Variants in C3orf20 observed in about 807,000 individuals in gnomAD.
C3orf20 encodes the protein family with sequence similarity 149 member C, also known as uncharacterized protein C3orf20.
In C3orf20, 76 loss-of-function variants were observed where a neutral mutation model predicts 88.3. The observed-to-expected ratio is 0.86, with a 90% CI of 0.72 to 1.04. The LOEUF is 1.04. C3orf20 is among the 50% of genes least tolerant of loss of function. C3orf20 has a pLI of 0.00. For missense variants in C3orf20, 1,056 were observed against 1,123.3 expected, an observed-to-expected ratio of 0.94 and a Z score of 0.86; for synonymous variants, 436 against 437.4, an observed-to-expected ratio of 1.00 and a Z score of 0.04.
Position 14,761,508 on chromosome 3 carries a change from T to G in C3orf20, c.2388T>G (p.Arg796=). Residue 796 remains arginine (R), a synonymous_variant, in exon 15 of 17, where the codon CGT becomes CGG. Transcript: ENST00000253697. ...FAGGKLIFGG[R]VLNGYGLSKQ... is the part of the protein sequence containing the mutation. ...GGGGGAAGCTCATTTTTGGGGGCCGTGTTTTGAATGGATATGGCCTCAGCA... is the reference window on the plus strand; with the variant it reads ...GGGGGAAGCTCATTTTTGGGGGCCGGGTTTTGAATGGATATGGCCTCAGCA... 6.2e-7 allele frequency: 1 copy of G among 1,614,040 alleles called. No individual in the cohort carries two copies. The highest frequency in any genetic ancestry group is 8.5e-7 in the Non-Finnish European group (1 of 1,180,014).
chr3:14,742,389 T>C (rs1165101852), intron 12 of C3orf20, among the ~76,000 whole-genome samples: 1 of 152,186 alleles, frequency 6.6e-6, no homozygotes, highest in Non-Finnish European at 1.5e-5. Context: ...CCCATCAGGG[T>C]ACATTGGGAT....
intron 1 of C3orf20, among the ~76,000 whole-genome samples, chr3:14,676,256 G>A (rs2031766399): frequency 6.6e-6 from 1 of 152,030 alleles, no homozygotes. Flanking sequence ...CTTGCTCCCA[G>A]CCCAGGTCTC....
Position 14,726,541 on chromosome 3 carries a change from C to A in C3orf20, c.1567-360C>A, listed in dbSNP as rs181179145. ...CTCAGACACACAAGAGACCAAGACT[C>A]GGTCCCTTCCCTCCAGAAGCTTGCA... On this transcript the variant is annotated intron_variant, in intron 10 of 16. Coordinates refer to ENST00000253697, the MANE Select transcript of C3orf20 (RefSeq NM_032137.5). Among the ~76,000 whole-genome samples the A allele has an allele frequency of 1.3e-3, 192 of 152,356 alleles. 1 individual carries two copies. The highest frequency in any genetic ancestry group is 3.8e-3 in the Admixed American group (58 of 15,308).
rs2035781156 is a variant in C3orf20, at chr3:14,768,607, A to G, written c.2496-3460A>G. On this transcript the variant is annotated intron_variant, in intron 15 of 16. Transcript: ENST00000253697. The surrounding 1 kb of genome is among the most constrained non-coding windows in gnomAD (Gnocchi z 4.1). ...GGTATCATGAGCTTGTCACAGCAGC[A>G]GACAGTAACGACGGATGAGGATGGT... Among the ~76,000 whole-genome samples the G allele has an allele frequency of 6.6e-6, 1 of 152,036 alleles. No individual in the cohort carries two copies. The highest frequency in any genetic ancestry group is 2.4e-5 in the African/African-American group (1 of 41,306).
At chr3:14,684,423 CAA>C in intron 4 of C3orf20, 41 bp downstream of exon 4, 1 of 1,595,900 alleles carries the variant, frequency 6.3e-7, no homozygotes, top group Non-Finnish European at 8.5e-7. Flanking sequence ...GAAGTGCAAA[CAA>C]TATCAGCAGG....
At chr3:14,756,591 CATT>C (rs1390460425) in intron 12 of C3orf20, among the ~76,000 whole-genome samples, 2 of 148,732 alleles carry the variant, frequency 1.3e-5, no homozygotes, top group South Asian at 4.3e-4. Flanking sequence ...CAGAAAATCT[CATT>C]AAGAAGGTAA....
Position 14,738,474 on chromosome 3 carries a change from A to AC in C3orf20, c.1940+9789dup, listed in dbSNP as rs530915154. ...CTCCCCAGTAGCTGGGACTACAGGC[A>AC]CCCGCCACCACACCTGGCTAATTTT... On this transcript the variant is annotated intron_variant, in intron 12 of 16. Coordinates refer to ENST00000253697, the MANE Select transcript of C3orf20 (RefSeq NM_032137.5). Among the ~76,000 whole-genome samples, 17 of 151,286 alleles carry AC rather than the reference A, an allele frequency of 1.1e-4. No individual in the cohort carries two copies. In the East Asian group the frequency reaches 3.3e-3, roughly 30 times the overall value.
intron 13 of C3orf20, 52 bp downstream of exon 13, chr3:14,757,726 G>A: frequency 1.3e-6 from 2 of 1,537,136 alleles, no homozygotes; most frequent in African/African-American, 1.4e-5. Context: ...AGGGGTAGTG[G>A]GGCAGTCCGA....
chr3:14,677,491 T>G (rs1045228694), intron 1 of C3orf20, among the ~76,000 whole-genome samples: 1 of 151,954 alleles, frequency 6.6e-6, no homozygotes, highest in Non-Finnish European at 1.5e-5. Context: ...TGGACATCCT[T>G]TTTTTTGTTT....
intron 15 of C3orf20, among the ~76,000 whole-genome samples, chr3:14,763,556 G>T (rs574670767): frequency 6.6e-6 from 1 of 152,312 alleles, no homozygotes; most frequent in East Asian, 1.9e-4. Context: ...GGACATAGAC[G>T]TTCAGACATC....
intron 8 of C3orf20, among the ~76,000 whole-genome samples, chr3:14,714,689 G>A (rs1344871979): frequency 4.6e-5 from 7 of 152,032 alleles, no homozygotes; most frequent in African/African-American, 7.2e-5. Context: ...CTGCAGCCTC[G>A]AACTCCTGGG....
chr3:14,675,910 T>C (rs929072481), intron 1 of C3orf20, among the ~76,000 whole-genome samples: 1 of 152,096 alleles, frequency 6.6e-6, no homozygotes, highest in Non-Finnish European at 1.5e-5. Context: ...CAGGCTGGTC[T>C]CGAGCTCCTG....
At chr3:14,704,148 G>A (rs1337565434) in intron 6 of C3orf20, among the ~76,000 whole-genome samples, 189 bp from the exon 7 acceptor site, 1 of 152,136 alleles carries the variant, frequency 6.6e-6, no homozygotes, top group Non-Finnish European at 1.5e-5. Context: ...ATTCTTAGAC[G>A]GGCATTGGGA....
intron 14 of C3orf20, 42 bp downstream of exon 14, chr3:14,760,040 G>A: frequency 7.0e-7 from 1 of 1,437,180 alleles, no homozygotes; most frequent in Non-Finnish European, 9.8e-7. Context: ...TGCCACCCCA[G>A]CCGCAGCCAC....
intron 9 of C3orf20, among the ~76,000 whole-genome samples, chr3:14,721,368 C>G (rs898242683): frequency 6.6e-6 from 1 of 152,224 alleles, no homozygotes; most frequent in African/African-American, 2.4e-5. Flanking sequence ...GAAGCTGATT[C>G]ATCTGCCAGA....
At chr3:14,680,112 C>A (rs971485986) in intron 1 of C3orf20, among the ~76,000 whole-genome samples, 2 of 152,210 alleles carry the variant, frequency 1.3e-5, no homozygotes, top group African/African-American at 2.4e-5. Context: ...CAAAGTTAAA[C>A]ACTTGAGTTA....
rs752926242 is a variant in C3orf20 at position 14,703,248 on chromosome 3, G to A, written c.864G>A (p.Glu288=). 6.2e-7 allele frequency: 1 copy of A among 1,614,150 alleles called. No homozygotes were observed. Among genetic ancestry groups the A allele is most frequent in the Non-Finnish European group, 8.5e-7 (1 of 1,180,040 alleles). Reference sequence around the variant, plus strand: ...CTGAGGCCCGGGAGAAGCTGCAGGAGTTGTGTCGCCACATGTGAGCACCTC... The same window carrying A: ...CTGAGGCCCGGGAGAAGCTGCAGGAATTGTGTCGCCACATGTGAGCACCTC... ...PCPEAREKLQ[E]LCRHIEAERA... is the part of the protein sequence containing the mutation. The change falls in exon 6 of 17, where the codon GAG becomes GAA. Residue 288 remains glutamate, a synonymous_variant. Transcript: ENST00000253697.
At chr3:14,728,335 G>A (rs2034427068) in intron 11 of C3orf20, 104 bp from the exon 12 acceptor site, 1 of 1,404,766 alleles carries the variant, frequency 7.1e-7, no homozygotes, top group South Asian at 1.3e-5. Flanking sequence ...GAGGGGAGGA[G>A]ATGGGGGTGA....
rs546435978 is a variant in C3orf20 at position 14,713,584 on chromosome 3, C to G, written c.1161-423C>G. Among the ~76,000 whole-genome samples, 6 of 152,352 alleles carry G rather than the reference C, an allele frequency of 3.9e-5. No individual in the cohort carries two copies. The South Asian group carries it at 1.2e-3, about 32-fold the overall frequency. On this transcript the variant is annotated intron_variant, in intron 7 of 16. Transcript: ENST00000253697. Reference sequence around the variant, plus strand: ...TATTGCTGGCCTCAGAGATCAAATCCTGGCTCTAGCCACTTCCTTGTGATG... The same window carrying G: ...TATTGCTGGCCTCAGAGATCAAATCGTGGCTCTAGCCACTTCCTTGTGATG...
Sources: allele counts gnomAD v4.1 joint callset (sites outside exome capture counted in the v4.1 genomes callset), GRCh38; gene constraint gnomAD v4.1.1; non-coding constraint Gnocchi (gnomAD v3.1); transcripts MANE v1.5; gene names NCBI Gene and HGNC (gene_info 2026-07-23, HGNC 2026-07-21).